LRP1B: variants seen among roughly 807,000 people sequenced by gnomAD.
The protein encoded by LRP1B is low-density lipoprotein receptor-related protein 1B.
A neutral mutation model predicts 556.6 loss-of-function variants in LRP1B; 217 were observed. The observed-to-expected ratio is 0.39, with a 90% CI of 0.35 to 0.44. LRP1B has a LOEUF of 0.44. Among genes scored for constraint, LRP1B ranks in the 20% least tolerant of loss-of-function variants. LRP1B has a pLI of 1.00. For synonymous variants in LRP1B, 2,047 were observed against 1,865.8 expected, an observed-to-expected ratio of 1.10 and a Z score of -2.50; for missense variants, 5,053 against 5,620.8, an observed-to-expected ratio of 0.90 and a Z score of 3.23.
intron 1 of LRP1B, among the ~76,000 whole-genome samples, chr2:141,909,397 A>C (rs1288058904): frequency 6.6e-6 from 1 of 152,044 alleles, no homozygotes; most frequent in Admixed American, 6.6e-5. Flanking sequence ...TAGATTCCTC[A>C]CTATAATTTA....
At chr2:141,877,308 A>G (rs1296105884) in intron 1 of LRP1B, among the ~76,000 whole-genome samples, 1 of 151,912 alleles carries the variant, frequency 6.6e-6, no homozygotes, top group East Asian at 1.9e-4. Flanking sequence ...TTCCCTAGTC[A>G]CTGGGTGCAA....
chr2:141,421,511 A>G (rs889644690), intron 3 of LRP1B, among the ~76,000 whole-genome samples: 9 of 136,990 alleles, frequency 6.6e-5, no homozygotes, highest in African/African-American at 2.4e-4. Context: ...CCTGGGCGAC[A>G]GAGCGAGACT....
chr2:140,292,176 G>C (rs1288078750), intron 84 of LRP1B, among the ~76,000 whole-genome samples: 1 of 152,122 alleles, frequency 6.6e-6, no homozygotes, highest in Non-Finnish European at 1.5e-5. Context: ...CTAAATTGCA[G>C]ATTAGGGAAA....
At chr2:141,878,857 G>A (rs1460215958) in intron 1 of LRP1B, among the ~76,000 whole-genome samples, 1 of 151,782 alleles carries the variant, frequency 6.6e-6, no homozygotes, top group East Asian at 1.9e-4. Flanking sequence ...ACTCCTTGAA[G>A]GGTTATTTCT....
At chr2:140,718,656 T>C (rs1453301779) in intron 35 of LRP1B, among the ~76,000 whole-genome samples, 4 of 152,086 alleles carry the variant, frequency 2.6e-5, no homozygotes, top group South Asian at 2.1e-4. Flanking sequence ...CTCCGCTGTC[T>C]CGCACCAAAC....
At chr2:140,859,851 C>T (rs1429554309) in intron 27 of LRP1B, among the ~76,000 whole-genome samples, 3 of 151,798 alleles carry the variant, frequency 2.0e-5, no homozygotes, top group African/African-American at 7.3e-5. Flanking sequence ...AAAAATTAGC[C>T]GAGTGTGGCG....
intron 66 of LRP1B, among the ~76,000 whole-genome samples, chr2:140,403,402 C>T (rs979552616): frequency 4.6e-5 from 7 of 151,882 alleles, no homozygotes; most frequent in Admixed American, 3.9e-4. Context: ...AAAAAATTTT[C>T]GAGAGAGATA....
At chr2:141,314,769 C>T (rs181372371) in intron 3 of LRP1B, among the ~76,000 whole-genome samples, 3,104 of 140,488 alleles carry the variant, frequency 0.022, 140 homozygotes, top group African/African-American at 0.079. Context: ...CCAGCCTGGG[C>T]GACAGAGTGA....
intron 41 of LRP1B, among the ~76,000 whole-genome samples, chr2:140,613,268 ATAAT>A (rs1417427847): frequency 4.2e-5 from 6 of 144,364 alleles, no homozygotes; most frequent in Non-Finnish European, 9.1e-5. Flanking sequence ...TATGTTATAT[ATAAT>A]TATATACAAG....
In LRP1B at chr2:141,149,320, G is replaced by A. The variant is rs551700880; in HGVS notation, c.1013+39101C>T. Among the ~76,000 whole-genome samples, 54 of 152,052 alleles carry A rather than the reference G, an allele frequency of 3.6e-4. 1 individual carries two copies. The South Asian group carries it at 6.0e-3, about 17-fold the overall frequency. On this transcript the variant is annotated intron_variant, in intron 7 of 90. Coordinates refer to ENST00000389484, the MANE Select transcript of LRP1B (RefSeq NM_018557.3). The stretch of plus-strand genomic sequence containing the variant: ...GGCCTGAGAAACCACCATTACCTAT[G>A]AGATCTAAATTTCTCTAGACTCTGG...
At chr2:140,433,823 T>G (rs1049756449) in intron 66 of LRP1B, among the ~76,000 whole-genome samples, 1 of 147,740 alleles carries the variant, frequency 6.8e-6, no homozygotes, top group African/African-American at 2.5e-5. Flanking sequence ...ATATTTCTTC[T>G]GTTTTTTTTT....
At chr2:141,554,196 T>C (rs1476124098) in intron 2 of LRP1B, among the ~76,000 whole-genome samples, 3 of 146,102 alleles carry the variant, frequency 2.1e-5, no homozygotes, top group Non-Finnish European at 4.5e-5. Flanking sequence ...ATATGGGTTA[T>C]ATATATCTAT....
intron 20 of LRP1B, among the ~76,000 whole-genome samples, chr2:140,947,415 A>G (rs1382525109): frequency 6.6e-6 from 1 of 152,172 alleles, no homozygotes; most frequent in Non-Finnish European, 1.5e-5. Context: ...AGTGCTGAGC[A>G]ATTATATGGT....
Position 140,526,296 on chromosome 2 carries a change from C to T in LRP1B, c.7817G>A (p.Arg2606Lys), listed in dbSNP as rs2104970005. ...FRCADGTCIP[R>K]SARCNQNIDC... ...TATGTTCTGGTTGCATCGTGCTGATCTTGGAATACAAGTCCCATCTGCACA... is the reference window on the plus strand; with the variant it reads ...TATGTTCTGGTTGCATCGTGCTGATTTTGGAATACAAGTCCCATCTGCACA... Residue 2606 changes from arginine (R) to lysine (K), a missense_variant, in exon 48 of 91, where the codon AGA becomes AAA. Coordinates refer to ENST00000389484, the MANE Select transcript of LRP1B (RefSeq NM_018557.3). 6 of 1,612,064 alleles carry T rather than the reference C, an allele frequency of 3.7e-6. No individual in the cohort carries two copies. The highest frequency in any genetic ancestry group is 5.1e-6 in the Non-Finnish European group (6 of 1,178,676).
intron 73 of LRP1B, 31 bp from the exon 74 acceptor site, chr2:140,358,147 T>C: frequency 6.3e-7 from 1 of 1,598,942 alleles, no homozygotes; most frequent in Non-Finnish European, 8.5e-7. Flanking sequence ...TGATTAGTGC[T>C]TCACAGAATC....
At chr2:141,389,205 A>T (rs1333487238) in intron 3 of LRP1B, among the ~76,000 whole-genome samples, 1 of 152,184 alleles carries the variant, frequency 6.6e-6, no homozygotes. Flanking sequence ...TGGAGGACTC[A>T]TGTCCTGATT....
At chr2:141,830,719 T>C (rs1205098859) in intron 1 of LRP1B, among the ~76,000 whole-genome samples, 3 of 151,760 alleles carry the variant, frequency 2.0e-5, no homozygotes, top group Admixed American at 6.6e-5. Context: ...GATTTTTATA[T>C]TTACATAAAT....
At chr2:141,082,726 GGT>G (rs1305343464) in intron 7 of LRP1B, among the ~76,000 whole-genome samples, 8 of 152,178 alleles carry the variant, frequency 5.3e-5, no homozygotes. Context: ...GGGGTAGACA[GGT>G]GTGTTTTTCT....
chr2:140,250,226 T>A (rs566230050), intron 86 of LRP1B, among the ~76,000 whole-genome samples: 1 of 151,954 alleles, frequency 6.6e-6, no homozygotes, highest in African/African-American at 2.4e-5. Flanking sequence ...CCCACTGCCC[T>A]TAGTCTTAGG....
Sources: gnomAD v4.1 joint callset for allele counts (sites outside exome capture counted in the v4.1 genomes callset) on GRCh38, gnomAD v4.1.1 for gene constraint, MANE v1.5 for transcripts, NCBI Gene and HGNC (gene_info 2026-07-23, HGNC 2026-07-21) for gene names.